The following POGLUT1 variants were observed in gnomAD, a reference collection of about 807,000 sequenced individuals.
The protein encoded by POGLUT1 is 9630046K23Rik.
Under a neutral mutation model 61.3 loss-of-function variants are expected in POGLUT1, and 32 were observed. That is an observed-to-expected ratio of 0.52 (90% CI 0.39 to 0.70). The LOEUF (loss-of-function observed/expected upper bound fraction) is 0.70, where lower values mean the gene tolerates loss of function less well. Among genes scored for constraint, POGLUT1 ranks in the 30% least tolerant of loss-of-function variants. The probability of loss-of-function intolerance (pLI) is 0.00; values close to 1 mark genes in which losing one functional copy is unlikely to be tolerated. For missense variants in POGLUT1, 411 were observed against 469.8 expected (o/e 0.87, Z 1.16); for synonymous variants, 158 against 158.2 (o/e 1.00, Z 0.01).
At chr3:119,483,818 T>C (rs958249860) in intron 5 of POGLUT1, among the ~76,000 whole-genome samples, 14 of 152,134 alleles carry the variant, frequency 9.2e-5, no homozygotes, top group Admixed American at 8.5e-4. Flanking sequence ...ATCAAAAATG[T>C]CTACAGACAT....
In POGLUT1 at chr3:119,492,937, G is replaced by A. The variant is rs953771060; in HGVS notation, c.*499G>A. The A allele has an allele frequency of 2.6e-5, 4 of 152,560 alleles. No individual in the cohort carries two copies. Among genetic ancestry groups the A allele is most frequent in the African/African-American group, 9.7e-5 (4 of 41,402 alleles). The allele number at this position is 152,560 out of a possible 1,614,324, so 9.5% of individuals were successfully genotyped here. On this transcript the variant is annotated 3_prime_UTR_variant, in exon 11 of 11. Coordinates refer to ENST00000295588, the MANE Select transcript of POGLUT1 (RefSeq NM_152305.3). ...CTATGGGGTTTATGAAAAATACTTG[G>A]GGATCATTCTCTGAATGGTCTAAGG... is the stretch of plus-strand genomic sequence containing the variant.
chr3:119,490,435 A>AACTC lies in POGLUT1; in HGVS notation c.798-115_798-114insCTCA. On this transcript the variant is annotated intron_variant, in intron 8 of 10. Coordinates refer to ENST00000295588, the MANE Select transcript of POGLUT1 (RefSeq NM_152305.3). ...TGTGTCCTTGAAAACTCAAAGTGGA[A>AACTC]AGAGAATGGAGAGGAATCATAAAAG... The AACTC allele has an allele frequency of 4.5e-6, 4 of 898,510 alleles. No homozygotes were observed. In the South Asian group the frequency reaches 6.3e-5, roughly 14 times the overall value. The allele number at this position is 898,510 out of a possible 1,614,324, so 55.7% of individuals were successfully genotyped here. A position where few individuals can be genotyped will look rare whatever the true frequency, so the allele number is the denominator to read the frequency against.
At position 119,476,442 on chromosome 3, in the gene POGLUT1, C is replaced by CTT. The variant is rs371954325; in HGVS notation, c.321-859_321-858dup. ...CAGTTATCTCCCTATATAAAAAACA[C>CTT]TTTTTTTTTTTTTGGCTAGAGGAGC... On this transcript the variant is annotated intron_variant, in intron 3 of 10. Coordinates refer to ENST00000295588, the MANE Select transcript of POGLUT1 (RefSeq NM_152305.3). 1.2e-4 allele frequency among the ~76,000 whole-genome samples: 17 copies of CTT among 145,858 alleles called. No homozygotes were observed. The East Asian group carries it at 3.0e-3, about 26-fold the overall frequency.
chr3:119,490,692 A>C lies in POGLUT1; in HGVS notation c.939A>C (p.Pro313=). The change falls in exon 9 of 11, where the codon CCA becomes CCC. Residue 313 remains proline (P), a synonymous_variant. Transcript: ENST00000295588. ...PQLKPWVHYI[P]VKTDLSNVQE... is the part of the protein sequence containing the mutation. Reference sequence around the variant, plus strand: ...TGAAGCCATGGGTTCACTATATCCCAGTCAAAACAGATCTCTCCAATGTCC... The same window carrying C: ...TGAAGCCATGGGTTCACTATATCCCCGTCAAAACAGATCTCTCCAATGTCC... 1 of 1,614,090 alleles carries C rather than the reference A, an allele frequency of 6.2e-7. No individual in the cohort carries two copies. Among genetic ancestry groups the C allele is most frequent in the African/African-American group, 1.3e-5 (1 of 75,042 alleles).
At chr3:119,490,756 C>G in intron 9 of POGLUT1, 38 bp downstream of exon 9, 1 of 1,563,832 alleles carries the variant, frequency 6.4e-7, no homozygotes, top group Admixed American at 1.8e-5. Flanking sequence ...TTCTAAAGAC[C>G]CTTCCAATCT....
chr3:119,486,851 T>G lies in POGLUT1; in HGVS notation c.657T>G (p.Asp219Glu). The G allele has an allele frequency of 6.2e-7, 1 of 1,610,478 alleles. No individual in the cohort carries two copies. The highest frequency in any genetic ancestry group is 1.7e-5 in the Admixed American group (1 of 60,028). Reference protein sequence around the residue: ...FRGSRTSPERDPLILLSRKNP... With the variant: ...FRGSRTSPEREPLILLSRKNP... ...TTTATAGGACAAGTCCAGAACGAGA[T>G]CCTCTCATTCTTCTGTCTCGGAAAA... Residue 219 changes from aspartate to glutamate, a missense_variant, in exon 7 of 11, where the codon GAT becomes GAG. Transcript: ENST00000295588.
At chr3:119,480,302 G>A in intron 5 of POGLUT1, 130 bp downstream of exon 5, 1 of 609,372 alleles carries the variant, frequency 1.6e-6, no homozygotes, top group South Asian at 2.7e-5. Flanking sequence ...AGGCTAGAGT[G>A]CAATGGCGTG....
In POGLUT1 at chr3:119,493,803, A is replaced by ATTTTTTTTTT. The variant is rs58233822; in HGVS notation, c.*1377_*1386dup. 428 of 119,868 alleles carry ATTTTTTTTTT rather than the reference A, an allele frequency of 3.6e-3. 20 individuals are homozygous for ATTTTTTTTTT. Among genetic ancestry groups the ATTTTTTTTTT allele is most frequent in the African/African-American group, 0.014 (411 of 29,256 alleles). The allele number at this position is 119,868 out of a possible 1,614,324, so 7.4% of individuals were successfully genotyped here. A position where few individuals can be genotyped will look rare whatever the true frequency, so the allele number is the denominator to read the frequency against. On this transcript the variant is annotated 3_prime_UTR_variant, in exon 11 of 11. Transcript: ENST00000295588. ...GGAATAAGCAGATGTTTAAAGTTGG[A>ATTTTTTTTTT]TTTTTTTTTTTTTTTTTTTTTGAGT... is the stretch of plus-strand genomic sequence containing the variant.
chr3:119,473,910 C>T (rs567592128), intron 3 of POGLUT1, among the ~76,000 whole-genome samples: 19 of 152,232 alleles, frequency 1.2e-4, no homozygotes, highest in Non-Finnish European at 2.2e-4. Flanking sequence ...CTGCCTGCCT[C>T]GGCCTCCCAA....
At chr3:119,485,297 T>C (rs1162582865) in intron 5 of POGLUT1, 31 bp from the exon 6 acceptor site, 1 of 1,334,058 alleles carries the variant, frequency 7.5e-7, no homozygotes, top group Non-Finnish European at 1.1e-6. Flanking sequence ...GAAAAAGATA[T>C]ATTGAAACTA....
At chr3:119,478,695 C>T (rs949814708) in intron 4 of POGLUT1, among the ~76,000 whole-genome samples, 2 of 152,088 alleles carry the variant, frequency 1.3e-5, no homozygotes, top group African/African-American at 2.4e-5. Context: ...TGATGAATCA[C>T]ATTTTTTACA....
intron 8 of POGLUT1, chr3:119,489,776 A>G (rs7626731): frequency 0.16 from 24,872 of 152,506 alleles, 5,438 homozygotes; most frequent in African/African-American, 0.5. Flanking sequence ...TGGGGAAGCG[A>G]GCATTACCGC....
At position 119,494,052 on chromosome 3, in the gene POGLUT1, A is replaced by G. The variant is rs1270716940; in HGVS notation, c.*1614A>G. The G allele has an allele frequency of 2.0e-5, 3 of 152,154 alleles. No individual in the cohort carries two copies. The highest frequency in any genetic ancestry group is 4.4e-5 in the Non-Finnish European group (3 of 68,022). 9.4% of individuals were successfully genotyped at this position (152,154 alleles called of 1,614,324 possible). A position where few individuals can be genotyped will look rare whatever the true frequency, so the allele number is the denominator to read the frequency against. On this transcript the variant is annotated 3_prime_UTR_variant, in exon 11 of 11. Coordinates refer to ENST00000295588, the MANE Select transcript of POGLUT1 (RefSeq NM_152305.3). ...ATTCATTTCCCTGGGAATGTTTCCC[A>G]TTTAGCTTCAAGTTTCAGCTCAAAC...
chr3:119,480,738 TTTC>T (rs2081596551), intron 5 of POGLUT1, among the ~76,000 whole-genome samples: 1 of 146,876 alleles, frequency 6.8e-6, no homozygotes, highest in Non-Finnish European at 1.5e-5. Context: ...TAAATTTTTC[TTTC>T]TTTTTTTTTT....
At chr3:119,491,428 T>C (rs1449253749) in intron 9 of POGLUT1, 90 bp from the exon 10 acceptor site, 1 of 552,000 alleles carries the variant, frequency 1.8e-6, no homozygotes, top group Non-Finnish European at 3.2e-6. Context: ...TACCTAAAAT[T>C]ATCCATAGAC....
chr3:119,491,952 G>A (rs1442796858), intron 10 of POGLUT1, among the ~76,000 whole-genome samples: 4 of 152,154 alleles, frequency 2.6e-5, no homozygotes, highest in Non-Finnish European at 4.4e-5. Context: ...TACTCGGGAG[G>A]CTGAGGCAGG....
chr3:119,492,232 T>C, intron 10 of POGLUT1, 50 bp from the exon 11 acceptor site: 1 of 1,396,024 alleles, frequency 7.2e-7, no homozygotes, highest in Non-Finnish European at 9.9e-7. Context: ...AGACTGCTAT[T>C]ATCATTAAAT....
chr3:119,486,551 T>C (rs2081666175), intron 6 of POGLUT1, among the ~76,000 whole-genome samples: 1 of 152,134 alleles, frequency 6.6e-6, no homozygotes, highest in Non-Finnish European at 1.5e-5. Flanking sequence ...AATCATTCCC[T>C]GGGATTTGAC....
At chr3:119,479,208 G>A (rs1446611906) in intron 4 of POGLUT1, among the ~76,000 whole-genome samples, 10 of 152,120 alleles carry the variant, frequency 6.6e-5, no homozygotes. Flanking sequence ...GGGATTACAG[G>A]TGTGAGCCAC....
Sources: gnomAD v4.1 joint callset for allele counts (sites outside exome capture counted in the v4.1 genomes callset) on GRCh38, gnomAD v4.1.1 for gene constraint, MANE v1.5 for transcripts, NCBI Gene and HGNC (gene_info 2026-07-23, HGNC 2026-07-21) for gene names.